Variants in CADM2 observed in about 807,000 individuals in gnomAD.
CADM2 encodes cell adhesion molecule 2, also known as immunoglobulin superfamily member 4D.
A neutral mutation model predicts 49.8 loss-of-function variants in CADM2; 12 were observed. The observed-to-expected ratio is 0.24, with a 90% CI of 0.15 to 0.39. CADM2 has a LOEUF of 0.39. Among genes scored for constraint, CADM2 ranks in the 10% least tolerant of loss-of-function variants. CADM2 has a pLI of 1.00. For missense variants in CADM2, 378 were observed against 492.3 expected (o/e 0.77, Z 2.20); for synonymous variants, 214 against 175.4 (o/e 1.22, Z -1.74).
chr3:85,591,571 G>T (rs557894833), intron 1 of CADM2, among the ~76,000 whole-genome samples: 1 of 152,022 alleles, frequency 6.6e-6, no homozygotes, highest in South Asian at 2.1e-4. Flanking sequence ...TAAACACAAG[G>T]GAATGTTTTC....
intron 1 of CADM2, among the ~76,000 whole-genome samples, chr3:85,131,783 A>C (rs890388052): frequency 6.6e-6 from 1 of 152,156 alleles, no homozygotes; most frequent in African/African-American, 2.4e-5. Flanking sequence ...TTTCTCCTGA[A>C]CTGATGTATT....
At chr3:86,058,067 A>G (rs1042002660) in intron 8 of CADM2, among the ~76,000 whole-genome samples, 3 of 152,190 alleles carry the variant, frequency 2.0e-5, no homozygotes, top group Non-Finnish European at 4.4e-5. Context: ...AATATATTAC[A>G]TAGAGCCTGA....
chr3:85,656,441 C>T (rs2065198744), intron 1 of CADM2, among the ~76,000 whole-genome samples: 4 of 151,900 alleles, frequency 2.6e-5, no homozygotes, highest in Admixed American at 2.6e-4. Context: ...ATGGTGAAAA[C>T]CCATCTCTAC....
chr3:85,579,744 G>C (rs946071523), intron 1 of CADM2, among the ~76,000 whole-genome samples: 6 of 151,632 alleles, frequency 4.0e-5, no homozygotes, highest in Non-Finnish European at 2.9e-5. Flanking sequence ...AAAAAATATG[G>C]GCTCAATACA....
At chr3:85,704,478 C>T (rs527416244) in intron 1 of CADM2, among the ~76,000 whole-genome samples, 2 of 152,118 alleles carry the variant, frequency 1.3e-5, no homozygotes, top group African/African-American at 4.8e-5. Flanking sequence ...AAGCCCTCAT[C>T]CTGGTTATGG....
At chr3:85,702,194 TC>T (rs1312506086) in intron 1 of CADM2, among the ~76,000 whole-genome samples, 1 of 152,144 alleles carries the variant, frequency 6.6e-6, no homozygotes, top group Non-Finnish European at 1.5e-5. Flanking sequence ...TCTTTCTTTT[TC>T]TTGTATTTGT....
intron 3 of CADM2, among the ~76,000 whole-genome samples, chr3:85,864,270 A>T (rs111350176): frequency 9.8e-5 from 15 of 152,328 alleles, no homozygotes; most frequent in African/African-American, 3.6e-4. Context: ...CTGTAATTAT[A>T]AACACCTTGC....
chr3:85,108,532 T>C (rs1474857917), intron 1 of CADM2, among the ~76,000 whole-genome samples: 1 of 152,062 alleles, frequency 6.6e-6, no homozygotes, highest in Non-Finnish European at 1.5e-5. Flanking sequence ...TACCAGAGGC[T>C]GGGTGAGGAG....
chr3:85,941,626 G>A (rs1475125832), intron 7 of CADM2, among the ~76,000 whole-genome samples: 4 of 152,016 alleles, frequency 2.6e-5, no homozygotes, highest in Non-Finnish European at 5.9e-5. Flanking sequence ...TTAATTTAAG[G>A]TAGGACAAGT....
At chr3:84,984,048 T>TATATATACACAC (rs1224516135) in intron 1 of CADM2, among the ~76,000 whole-genome samples, 1 of 143,234 alleles carries the variant, frequency 7.0e-6, no homozygotes, top group African/African-American at 2.6e-5. Context: ...TATATATATA[T>TATATATACACAC]ACACACACAC....
At chr3:85,460,281 A>AG (rs200063692) in intron 1 of CADM2, among the ~76,000 whole-genome samples, 1,586 of 151,784 alleles carry the variant, frequency 0.01, 28 homozygotes, top group African/African-American at 0.036. Flanking sequence ...GAGGTTCAGA[A>AG]AAAAAAATGT....
chr3:85,568,417 T>TTCTC (rs2062344483), intron 1 of CADM2, among the ~76,000 whole-genome samples: 1 of 30,766 alleles, frequency 3.3e-5, no homozygotes, highest in African/African-American at 1.1e-4. Context: ...CTTTCTTTCT[T>TTCTC]TCTTTCTTTC....
intron 3 of CADM2, among the ~76,000 whole-genome samples, chr3:85,868,926 A>C (rs989079369): frequency 3.3e-5 from 5 of 151,870 alleles, no homozygotes; most frequent in African/African-American, 1.2e-4. Context: ...TGGATCGTTT[A>C]TTGTAATATT....
At position 86,068,080 on chromosome 3, in the gene CADM2, G is replaced by A. The variant is rs1268443115; in HGVS notation, c.*1297G>A. The A allele has an allele frequency of 2.0e-5, 3 of 152,304 alleles. No homozygotes were observed. The highest frequency in any genetic ancestry group is 4.4e-5 in the Non-Finnish European group (3 of 67,816). 9.4% of individuals were successfully genotyped at this position (152,304 alleles called of 1,614,324 possible). A position where few individuals can be genotyped will look rare whatever the true frequency, so the allele number is the denominator to read the frequency against. On this transcript the variant is annotated 3_prime_UTR_variant, in exon 10 of 10. Coordinates refer to ENST00000383699, the MANE Select transcript of CADM2 (RefSeq NM_001167675.2). ...TGGTTTGCCAAAAAGAAGTGTTTAAGATATGTTTTCTGTATAAATGAACTA... is the reference window on the plus strand; with the variant it reads ...TGGTTTGCCAAAAAGAAGTGTTTAAAATATGTTTTCTGTATAAATGAACTA...
intron 1 of CADM2, among the ~76,000 whole-genome samples, chr3:84,966,997 AAAC>A (rs2031051669): frequency 6.6e-6 from 1 of 152,074 alleles, no homozygotes; most frequent in Non-Finnish European, 1.5e-5. Flanking sequence ...CATTATAAGA[AAAC>A]AAAGTCCTTT....
At chr3:86,043,248 A>T (rs1736193110) in intron 8 of CADM2, among the ~76,000 whole-genome samples, 1 of 152,286 alleles carries the variant, frequency 6.6e-6, no homozygotes, top group African/African-American at 2.4e-5. Context: ...GGCAGGAGAA[A>T]GAAATGAAGG....
At chr3:85,084,232 A>T (rs1482166995) in intron 1 of CADM2, among the ~76,000 whole-genome samples, 1 of 151,384 alleles carries the variant, frequency 6.6e-6, no homozygotes, top group Non-Finnish European at 1.5e-5. Flanking sequence ...TCTTTGAAGT[A>T]TTTCTTTATG....
intron 1 of CADM2, among the ~76,000 whole-genome samples, chr3:85,625,448 C>T (rs2064097498): frequency 6.6e-6 from 1 of 152,016 alleles, no homozygotes; most frequent in Admixed American, 6.6e-5. Context: ...AAATATTAAA[C>T]AGTCACCTTT....
intron 1 of CADM2, among the ~76,000 whole-genome samples, chr3:85,064,935 T>C (rs1006699263): frequency 6.6e-6 from 1 of 152,146 alleles, no homozygotes; most frequent in Admixed American, 6.6e-5. Flanking sequence ...GGTTGTGTTT[T>C]TAAGAGTACT....
Sources: allele counts gnomAD v4.1 joint callset (sites outside exome capture counted in the v4.1 genomes callset), GRCh38; gene constraint gnomAD v4.1.1; transcripts MANE v1.5; gene names NCBI Gene and HGNC (gene_info 2026-07-23, HGNC 2026-07-21).